The following CCDC90B variants were observed in gnomAD, a reference collection of about 807,000 sequenced individuals.
The protein encoded by CCDC90B is coiled-coil domain-containing protein 90B, mitochondrial.
A neutral mutation model predicts 37.0 loss-of-function variants in CCDC90B; 24 were observed. The ratio of observed to expected loss-of-function variants is 0.65; its 90% CI spans 0.47 to 0.91. The LOEUF is 0.91. Among genes scored for constraint, CCDC90B ranks in the 40% least tolerant of loss-of-function variants. The probability of loss-of-function intolerance (pLI) is 0.00; values close to 1 mark genes in which losing one functional copy is unlikely to be tolerated. For synonymous variants in CCDC90B, 113 were observed against 101.1 expected (o/e 1.12, Z -0.71); for missense variants, 319 against 299.0 (o/e 1.07, Z -0.49).
rs1173200094 is a variant in CCDC90B, at chr11:83,286,287, G to A, written c.-315C>T. On this transcript the variant is annotated 5_prime_UTR_variant, in exon 1 of 9. Coordinates refer to ENST00000529689, the MANE Select transcript of CCDC90B (RefSeq NM_021825.5). ...CTTCCGGCGCCTGTTTCCTGGCAGTGGGGCATAGTCCAACAGCTGGCTCCC... is the reference window on the plus strand; with the variant it reads ...CTTCCGGCGCCTGTTTCCTGGCAGTAGGGCATAGTCCAACAGCTGGCTCCC... 2 of 1,202,128 alleles carry A rather than the reference G, an allele frequency of 1.7e-6. No individual in the cohort carries two copies. The highest frequency in any genetic ancestry group is 3.0e-5 in the African/African-American group (2 of 66,196). The allele number at this position is 1,202,128 out of a possible 1,614,324, so 74.5% of individuals were successfully genotyped here. A position where few individuals can be genotyped will look rare whatever the true frequency, so the allele number is the denominator to read the frequency against.
At chr11:83,268,927 G>A (rs1462746103) in intron 7 of CCDC90B, among the ~76,000 whole-genome samples, 3 of 152,218 alleles carry the variant, frequency 2.0e-5, no homozygotes, top group African/African-American at 7.2e-5. Context: ...TCAGACCACA[G>A]TGCAATCAAA....
At chr11:83,278,591 G>GTTTTTTTTTTTT in intron 3 of CCDC90B, 135 bp downstream of exon 3, 1 of 548,130 alleles carries the variant, frequency 1.8e-6, no homozygotes. Flanking sequence ...TTTATTCAAT[G>GTTTTTTTTTTTT]TTTTTTTTTG....
At chr11:83,270,771 T>C (rs1175812649) in intron 7 of CCDC90B, among the ~76,000 whole-genome samples, 1 of 152,108 alleles carries the variant, frequency 6.6e-6, no homozygotes, top group East Asian at 1.9e-4. Flanking sequence ...TGGAAAAAAC[T>C]ACTTTAAAGT....
intron 7 of CCDC90B, 159 bp downstream of exon 7, chr11:83,273,488 G>A (rs1864816042): frequency 8.5e-6 from 4 of 469,314 alleles, no homozygotes; most frequent in Middle Eastern, 5.7e-4. Flanking sequence ...CTGGTGCCAG[G>A]TTCCCCAAAA....
chr11:83,271,774 G>A (rs932431909), intron 7 of CCDC90B, among the ~76,000 whole-genome samples: 9 of 152,028 alleles, frequency 5.9e-5, no homozygotes, highest in Non-Finnish European at 1.0e-4. Context: ...GGTATATACC[G>A]AAAGGGTTAT....
intron 1 of CCDC90B, among the ~76,000 whole-genome samples, chr11:83,282,502 G>A (rs1384318629): frequency 1.3e-5 from 2 of 152,176 alleles, no homozygotes; most frequent in Non-Finnish European, 2.9e-5. Context: ...TTGGGATAGA[G>A]ACCAAATACC....
Position 83,273,716 on chromosome 11 carries a change from C to T in CCDC90B, c.541-16G>A. 1 of 1,602,872 alleles carries T rather than the reference C, an allele frequency of 6.2e-7. No individual in the cohort carries two copies. Among genetic ancestry groups the T allele is most frequent in the Non-Finnish European group, 8.5e-7 (1 of 1,176,538 alleles). ...GATCTGTAAACTATAGGATATGAAG[C>T]AGCAGGAAGTTAAAAAAAAAGTCTA... On this transcript the variant is annotated splice_polypyrimidine_tract_variant and intron_variant, in intron 6 of 8. Transcript: ENST00000529689.
rs1247448406 is a variant in CCDC90B, at chr11:83,265,886, C to T, written c.688G>A (p.Glu230Lys). Residue 230 changes from glutamate to lysine, a missense_variant, in exon 8 of 9, where the codon GAG becomes AAG. Physicochemically the swap from Glu to Lys is moderately conservative, Grantham distance 56. Transcript: ENST00000529689. ...LKTLMESNKL[E>K]TIRYLAASVF... ...TTACCTGCAAGATAACGAATTGTCT[C>T]AAGTTTGTTAGATTCCATCAGTGTT... The T allele has an allele frequency of 6.2e-7, 1 of 1,606,866 alleles. No individual in the cohort carries two copies. The highest frequency in any genetic ancestry group is 1.1e-5 in the South Asian group (1 of 90,412).
chr11:83,261,663 G>A lies in CCDC90B; in HGVS notation c.*248C>T, dbSNP rs1863932340. The A allele has an allele frequency of 3.4e-6, 1 of 298,222 alleles. No individual in the cohort carries two copies. The highest frequency in any genetic ancestry group is 2.2e-5 in the African/African-American group (1 of 46,012). 18.5% of individuals were successfully genotyped at this position (298,222 alleles called of 1,614,324 possible). ...CTATTAACTATCAAAAGGACAAAAT[G>A]CTCTTCTATCTCAAACCAGGTCTGA... On this transcript the variant is annotated 3_prime_UTR_variant, in exon 9 of 9. Coordinates refer to ENST00000529689, the MANE Select transcript of CCDC90B (RefSeq NM_021825.5).
In CCDC90B at chr11:83,286,094, G is replaced by A. The variant is rs761021897; in HGVS notation, c.-122C>T. On this transcript the variant is annotated 5_prime_UTR_variant, in exon 1 of 9. Coordinates refer to ENST00000529689, the MANE Select transcript of CCDC90B (RefSeq NM_021825.5). Reference sequence around the variant, plus strand: ...AATTGTAGTTTTCGCTCTGTCACAAGCTCACCTCCCAGCGCAGGCGCCACC... The same window carrying A: ...AATTGTAGTTTTCGCTCTGTCACAAACTCACCTCCCAGCGCAGGCGCCACC... The A allele has an allele frequency of 9.8e-6, 15 of 1,537,164 alleles. No individual in the cohort carries two copies. Among genetic ancestry groups the A allele is most frequent in the South Asian group, 2.4e-5 (2 of 84,072 alleles).
rs1863849566 is a variant in CCDC90B at position 83,259,804 on chromosome 11, A to G, written c.*2107T>C. The G allele has an allele frequency of 6.6e-6, 1 of 152,312 alleles. No individual in the cohort carries two copies. The highest frequency in any genetic ancestry group is 2.4e-5 in the African/African-American group (1 of 41,438). 9.4% of individuals were successfully genotyped at this position (152,312 alleles called of 1,614,324 possible). On this transcript the variant is annotated 3_prime_UTR_variant, in exon 9 of 9. Coordinates refer to ENST00000529689, the MANE Select transcript of CCDC90B (RefSeq NM_021825.5). ...CGCAGCCTCCCAAGCAGCTAGGACT[A>G]TAGATGTGTGCCACTGTGCTCAGCA... is the stretch of plus-strand genomic sequence containing the variant.
intron 2 of CCDC90B, among the ~76,000 whole-genome samples, chr11:83,279,406 A>C (rs1865252284): frequency 6.6e-6 from 1 of 152,166 alleles, no homozygotes; most frequent in Non-Finnish European, 1.5e-5. Flanking sequence ...TGGCATAAAA[A>C]ATTGTATTGC....
At chr11:83,278,609 T>C (rs1193380917) in intron 3 of CCDC90B, 117 bp downstream of exon 3, 1 of 638,484 alleles carries the variant, frequency 1.6e-6, no homozygotes, top group Non-Finnish European at 2.7e-6. Flanking sequence ...TTGTGGTCCC[T>C]TTAGAGAGAA....
intron 1 of CCDC90B, among the ~76,000 whole-genome samples, chr11:83,281,030 T>G (rs2135666855): frequency 1.3e-5 from 2 of 152,348 alleles, no homozygotes; most frequent in Non-Finnish European, 2.9e-5. Flanking sequence ...AAAGACCTTT[T>G]CTATATATTG....
At chr11:83,278,668 T>C (rs1344625174) in intron 3 of CCDC90B, 58 bp downstream of exon 3, 18 of 1,130,396 alleles carry the variant, frequency 1.6e-5, no homozygotes, top group African/African-American at 4.6e-5. Context: ...GACAGAGACA[T>C]AGTTATGAAA....
intron 1 of CCDC90B, among the ~76,000 whole-genome samples, chr11:83,281,535 AGGT>A (rs1271587220): frequency 2.0e-5 from 3 of 152,368 alleles, no homozygotes; most frequent in African/African-American, 2.4e-5. Context: ...CTGTAAATAA[AGGT>A]GGAGCAATTT....
chr11:83,285,901 G>C lies in CCDC90B; in HGVS notation c.72C>G (p.Arg24=). The C allele has an allele frequency of 1.2e-6, 2 of 1,613,230 alleles. No homozygotes were observed. Among genetic ancestry groups the C allele is most frequent in the African/African-American group, 1.3e-5 (1 of 75,042 alleles). ...TCCGCAGGGCCGGCGAGAAATGCCCGCGGGGCCTTGAAACCCAACGATCTC... is the reference window on the plus strand; with the variant it reads ...TCCGCAGGGCCGGCGAGAAATGCCCCCGGGGCCTTGAAACCCAACGATCTC... ...GRGDRWVSRP[R]GHFSPALRRE... Residue 24 remains arginine (R), a synonymous_variant, in exon 1 of 9, where the codon CGC becomes CGG. Transcript: ENST00000529689.
chr11:83,274,558 G>T, intron 4 of CCDC90B, 81 bp downstream of exon 4: 1 of 742,000 alleles, frequency 1.3e-6, no homozygotes, highest in Non-Finnish European at 2.2e-6. Context: ...TTATTACTTG[G>T]TCTTATTAAC....
chr11:83,268,881 A>T (rs1418783624), intron 7 of CCDC90B, among the ~76,000 whole-genome samples: 1 of 152,148 alleles, frequency 6.6e-6, no homozygotes, highest in Admixed American at 6.6e-5. Flanking sequence ...ACTCCTCAGC[A>T]AATGTAAAAG....
Sources: gnomAD v4.1 joint callset for allele counts (sites outside exome capture counted in the v4.1 genomes callset) on GRCh38, gnomAD v4.1.1 for gene constraint, MANE v1.5 for transcripts, NCBI Gene and HGNC (gene_info 2026-07-23, HGNC 2026-07-21) for gene names.